The following HYKK variants were observed in gnomAD, a reference collection of about 807,000 sequenced individuals.
HYKK encodes the protein 5-hydroxy-L-lysine kinase.
In HYKK, 19 loss-of-function variants were observed where a neutral mutation model predicts 29.7. The observed-to-expected ratio is 0.64, with a 90% CI of 0.45 to 0.94. HYKK has a LOEUF of 0.94. Among genes scored for constraint, HYKK ranks in the 40% least tolerant of loss-of-function variants. The probability of loss-of-function intolerance (pLI) is 0.00; values close to 1 mark genes in which losing one functional copy is unlikely to be tolerated. For missense variants in HYKK, 390 were observed against 443.4 expected (o/e 0.88, Z 1.08); for synonymous variants, 152 against 158.1 (o/e 0.96, Z 0.29).
chr15:78,513,159 C>T lies in HYKK; in HGVS notation c.71C>T (p.Ala24Val), dbSNP rs569690132. Reference sequence around the variant, plus strand: ...ACTTTCAGTGAGGAACAAGCCTCTGCGTTAGTGGAGTCAGTGTTTGGGTTG... The same window carrying T: ...ACTTTCAGTGAGGAACAAGCCTCTGTGTTAGTGGAGTCAGTGTTTGGGTTG... ...KPTFSEEQAS[A>V]LVESVFGLKV... Residue 24 changes from alanine (A) to valine (V), a missense_variant, in exon 2 of 5, where the codon GCG becomes GTG. Physicochemically the swap from Ala to Val is moderately conservative, Grantham distance 64. Coordinates refer to ENST00000388988, the MANE Select transcript of HYKK (RefSeq NM_001013619.4). 7.4e-6 allele frequency: 12 copies of T among 1,613,882 alleles called. No individual in the cohort carries two copies. The highest frequency in any genetic ancestry group is 1.3e-5 in the African/African-American group (1 of 74,906).
chr15:78,511,074 G>A (rs2052069388), intron 1 of HYKK, among the ~76,000 whole-genome samples: 1 of 149,576 alleles, frequency 6.7e-6, no homozygotes, highest in Admixed American at 6.7e-5. Context: ...CCAAAGTGCT[G>A]GCTGGGATTA....
intron 4 of HYKK, among the ~76,000 whole-genome samples, chr15:78,532,450 T>C (rs1333765073): frequency 6.6e-6 from 1 of 152,096 alleles, no homozygotes; most frequent in African/African-American, 2.4e-5. Context: ...ATTTTAGTAA[T>C]CAAAAAAAGG....
intron 4 of HYKK, among the ~76,000 whole-genome samples, chr15:78,531,200 A>G (rs760703864): frequency 1.3e-5 from 2 of 152,122 alleles, no homozygotes; most frequent in Non-Finnish European, 2.9e-5. Flanking sequence ...ATAGCCACAT[A>G]TGTCTAGTGG....
At chr15:78,514,908 C>CTCTCTCTCTCTCTCTCTATA (rs766004199) in intron 2 of HYKK, 60 bp from the exon 3 acceptor site, 9 of 385,500 alleles carry the variant, frequency 2.3e-5, no homozygotes, top group East Asian at 1.6e-4. Flanking sequence ...CTCTCTCTCT[C>CTCTCTCTCTCTCTCTCTATA]TATATATATA....
At chr15:78,511,720 T>C (rs1331820542) in intron 1 of HYKK, among the ~76,000 whole-genome samples, 1 of 101,262 alleles carries the variant, frequency 9.9e-6, no homozygotes, top group East Asian at 3.0e-4. Flanking sequence ...AGACCCTGTC[T>C]GAAAAAAATA....
Position 78,535,874 on chromosome 15 carries a change from T to A in HYKK, c.*2204T>A, listed in dbSNP as rs2052358234. On this transcript the variant is annotated 3_prime_UTR_variant, in exon 5 of 5. Transcript: ENST00000388988. ...CTGGGACTACAGGCATGTGCCACCA[T>A]GCCCAACTAATTTATTTTATTTTGT... 1 of 152,254 alleles carries A rather than the reference T, an allele frequency of 6.6e-6. No individual in the cohort carries two copies. The highest frequency in any genetic ancestry group is 1.5e-5 in the Non-Finnish European group (1 of 68,132). 9.4% of individuals were successfully genotyped at this position (152,254 alleles called of 1,614,324 possible).
intron 3 of HYKK, among the ~76,000 whole-genome samples, chr15:78,518,154 G>A (rs2052155571): frequency 6.6e-6 from 1 of 152,150 alleles, no homozygotes; most frequent in Non-Finnish European, 1.5e-5. Context: ...CCTCTGTCAA[G>A]GCAGTGAGCT....
chr15:78,514,321 CT>C (rs1447367968), intron 2 of HYKK, among the ~76,000 whole-genome samples: 1 of 152,138 alleles, frequency 6.6e-6, no homozygotes, highest in African/African-American at 2.4e-5. Flanking sequence ...CCCTTTTCAC[CT>C]CTAAATACTA....
chr15:78,519,897 A>C (rs2141357860), intron 3 of HYKK, among the ~76,000 whole-genome samples: 1 of 152,358 alleles, frequency 6.6e-6, no homozygotes, highest in Admixed American at 6.5e-5. Flanking sequence ...CTTTACCAGT[A>C]ACCTTTCCTT....
At chr15:78,509,167 A>G (rs1021661696) in intron 1 of HYKK, among the ~76,000 whole-genome samples, 120 of 152,300 alleles carry the variant, frequency 7.9e-4, no homozygotes, top group African/African-American at 2.8e-3. Flanking sequence ...GATCTGTGCC[A>G]TTAGTTCTAT....
rs745313302 is a variant in HYKK at position 78,533,365 on chromosome 15, A to G, written c.817A>G (p.Met273Val). 5.0e-6 allele frequency: 8 copies of G among 1,614,250 alleles called. No homozygotes were observed. In the South Asian group the frequency reaches 6.6e-5, roughly 13 times the overall value. The change falls in exon 5 of 5, where the codon ATG becomes GTG. Residue 273 changes from methionine (M) to valine (V), a missense_variant. Met to Val is a conservative substitution (Grantham distance 21). Transcript: ENST00000388988. ...VFEVAITIMY[M>V]MIESKSPIQV... The stretch of plus-strand genomic sequence containing the variant: ...TGAAGTGGCAATTACCATCATGTAC[A>G]TGATGATTGAGAGCAAGAGTCCTAT...
At chr15:78,516,343 CTTTTT>C (rs575124681) in intron 3 of HYKK, among the ~76,000 whole-genome samples, 4 of 115,946 alleles carry the variant, frequency 3.4e-5, no homozygotes, top group African/African-American at 3.2e-5. Context: ...AAGGGTTGGT[CTTTTT>C]TTTTTTTTTT....
rs988899677 is a variant in HYKK at position 78,536,455 on chromosome 15, A to G, written c.*2785A>G. 6.6e-6 allele frequency: 1 copy of G among 152,182 alleles called. No homozygotes were observed. The highest frequency in any genetic ancestry group is 2.4e-5 in the African/African-American group (1 of 41,430). 9.4% of individuals were successfully genotyped at this position (152,182 alleles called of 1,614,324 possible). A position where few individuals can be genotyped will look rare whatever the true frequency, so the allele number is the denominator to read the frequency against. On this transcript the variant is annotated 3_prime_UTR_variant, in exon 5 of 5. Coordinates refer to ENST00000388988, the MANE Select transcript of HYKK (RefSeq NM_001013619.4). The stretch of plus-strand genomic sequence containing the variant: ...TTGACCTCTCAAGCTAAAAACTGGG[A>G]ACCAGAATAATGGACTGAAACTTGG...
At chr15:78,523,797 A>G (rs1425644888) in intron 3 of HYKK, among the ~76,000 whole-genome samples, 3 of 152,276 alleles carry the variant, frequency 2.0e-5, no homozygotes, top group South Asian at 2.1e-4. Context: ...TACAGGCCTC[A>G]TGCAAGTCCA....
At chr15:78,514,831 T>C in intron 2 of HYKK, 137 bp from the exon 3 acceptor site, 1 of 337,856 alleles carries the variant, frequency 3.0e-6, no homozygotes, top group Non-Finnish European at 5.0e-6. Flanking sequence ...GTAATTTCTG[T>C]TCTTTTCAGT....
intron 3 of HYKK, among the ~76,000 whole-genome samples, chr15:78,520,434 A>G (rs1304531246): frequency 1.3e-5 from 2 of 152,042 alleles, no homozygotes; most frequent in Non-Finnish European, 2.9e-5. Flanking sequence ...GGGAGTGGTG[A>G]TGACTCTTAA....
At position 78,532,260 on chromosome 15, in the gene HYKK, C is replaced by T. The variant is rs151200195; in HGVS notation, c.662-950C>T. ...ATGGGAGTTTGACAAAACTTGAACT[C>T]GTGTACGCTCCATTCAATGAGACAA... On this transcript the variant is annotated intron_variant, in intron 4 of 4. Transcript: ENST00000388988. Among the ~76,000 whole-genome samples, 518 of 152,250 alleles carry T rather than the reference C, an allele frequency of 3.4e-3. 2 individuals carry two copies. Among genetic ancestry groups the T allele is most frequent in the Non-Finnish European group, 4.3e-3 (292 of 68,018 alleles).
intron 4 of HYKK, among the ~76,000 whole-genome samples, chr15:78,530,320 C>G (rs2052299211): frequency 6.6e-6 from 1 of 152,004 alleles, no homozygotes; most frequent in Non-Finnish European, 1.5e-5. Context: ...CCTGCTGCAG[C>G]CATCCAGGTA....
At chr15:78,513,635 CTGAT>C (rs1198957676) in intron 2 of HYKK, among the ~76,000 whole-genome samples, 1 of 152,128 alleles carries the variant, frequency 6.6e-6, no homozygotes, top group African/African-American at 2.4e-5. Flanking sequence ...GATTGGTCCT[CTGAT>C]TGAGTAGTGG....
Sources: allele counts gnomAD v4.1 joint callset (sites outside exome capture counted in the v4.1 genomes callset), GRCh38; gene constraint gnomAD v4.1.1; transcripts MANE v1.5; gene names NCBI Gene and HGNC (gene_info 2026-07-23, HGNC 2026-07-21).